TBCK: variants seen among roughly 807,000 people sequenced by gnomAD.
TBCK encodes the protein TBC domain-containing protein kinase-like protein.
TBCK carries 99 observed loss-of-function variants against 113.4 expected under a neutral mutation model. That is an observed-to-expected ratio of 0.87 (90% CI 0.74 to 1.03). The LOEUF (loss-of-function observed/expected upper bound fraction) is 1.03, where lower values mean the gene tolerates loss of function less well. Among genes scored for constraint, TBCK ranks in the 50% least tolerant of loss-of-function variants. The pLI is 0.00. For missense variants in TBCK, 1,045 were observed against 1,061.3 expected, an observed-to-expected ratio of 0.98 and a Z score of 0.21; for synonymous variants, 369 against 370.8, an observed-to-expected ratio of 1.00 and a Z score of 0.05.
intron 24 of TBCK, among the ~76,000 whole-genome samples, chr4:106,098,744 A>G (rs1035005189): frequency 6.6e-6 from 1 of 152,068 alleles, no homozygotes; most frequent in African/African-American, 2.4e-5. Context: ...TATTCCAGTA[A>G]ACATATGAAT....
intron 20 of TBCK, among the ~76,000 whole-genome samples, chr4:106,197,411 G>GTGTATATATATATATATATA (rs35695611): frequency 1.5e-4 from 18 of 122,436 alleles, no homozygotes; most frequent in Middle Eastern, 3.9e-3. Flanking sequence ...GTGTGTGTGT[G>GTGTATATATATATATATATA]TATATATATA....
intron 20 of TBCK, among the ~76,000 whole-genome samples, chr4:106,205,132 C>T (rs969128800): frequency 3.9e-5 from 6 of 152,014 alleles, no homozygotes; most frequent in Non-Finnish European, 5.9e-5. Flanking sequence ...AGCTTTTAGG[C>T]GAAGATTAAA....
intron 23 of TBCK, among the ~76,000 whole-genome samples, chr4:106,143,317 T>A (rs73836999): frequency 0.011 from 1,710 of 152,308 alleles, 31 homozygotes; most frequent in African/African-American, 0.039. Flanking sequence ...AAGACACTTG[T>A]GCATACTTCA....
chr4:106,095,572 C>T lies in TBCK; in HGVS notation c.2481G>A (p.Glu827=). The T allele has an allele frequency of 6.2e-7, 1 of 1,614,122 alleles. No individual in the cohort carries two copies. The highest frequency in any genetic ancestry group is 1.1e-5 in the South Asian group (1 of 91,080). Residue 827 remains glutamate (E), a synonymous_variant, in exon 25 of 26, where the codon GAG becomes GAA. Transcript: ENST00000394708. The part of the protein sequence containing the change: ...PFSAAFTAEG[E]LTQGPYTAML... ...TAGCAGTGTAAGGGCCCTGGGTAAG[C>T]TCCCCTTCTGCAGTGAAGGCAGCAC...
chr4:106,130,303 CAG>C (rs1745731094), intron 23 of TBCK, among the ~76,000 whole-genome samples: 1 of 151,990 alleles, frequency 6.6e-6, no homozygotes, highest in Non-Finnish European at 1.5e-5. Context: ...TGGACAGTCA[CAG>C]ATTATAAAAA....
intron 25 of TBCK, among the ~76,000 whole-genome samples, chr4:106,079,590 A>C (rs1560614993): frequency 6.6e-6 from 1 of 152,222 alleles, no homozygotes; most frequent in African/African-American, 2.4e-5. Context: ...ATCTAGGAAT[A>C]TATCTAACTA....
At chr4:106,087,294 C>G (rs1168449696) in intron 25 of TBCK, among the ~76,000 whole-genome samples, 3 of 152,142 alleles carry the variant, frequency 2.0e-5, no homozygotes, top group African/African-American at 7.2e-5. Flanking sequence ...CAACAATAGG[C>G]AGGCAGAAAG....
chr4:106,221,977 T>C (rs1468370954), intron 19 of TBCK, among the ~76,000 whole-genome samples: 1 of 152,020 alleles, frequency 6.6e-6, no homozygotes, highest in Non-Finnish European at 1.5e-5. Flanking sequence ...TTAAAAAAAA[T>C]CTGTAATTGT....
chr4:106,263,980 A>C (rs1762740894), intron 3 of TBCK, among the ~76,000 whole-genome samples: 4 of 151,990 alleles, frequency 2.6e-5, no homozygotes, highest in African/African-American at 9.7e-5. Flanking sequence ...ATTTTATTTT[A>C]CATTATCAAA....
Position 106,171,280 on chromosome 4 carries a change from A to G in TBCK, c.2060-10T>C. On this transcript the variant is annotated splice_polypyrimidine_tract_variant and intron_variant, in intron 22 of 25. Coordinates refer to ENST00000394708, the MANE Select transcript of TBCK (RefSeq NM_001163435.3). ...CGTTCAATGTCAATTTCTAGATAGA[A>G]ATGTTTTAAAAAAGCAAATGTATAG... 3.1e-6 allele frequency: 5 copies of G among 1,596,420 alleles called. No homozygotes were observed. The South Asian group carries it at 5.8e-5, about 18-fold the overall frequency.
At chr4:106,274,081 C>A (rs1433866491) in intron 3 of TBCK, among the ~76,000 whole-genome samples, 1 of 152,054 alleles carries the variant, frequency 6.6e-6, no homozygotes, top group Non-Finnish European at 1.5e-5. Flanking sequence ...AAGCTCTGGG[C>A]CAGGAACTTG....
At position 106,233,041 on chromosome 4, in the gene TBCK, A is replaced by G. The variant is rs149535149; in HGVS notation, c.1536T>C (p.Cys512=). 1.5e-5 allele frequency: 24 copies of G among 1,611,560 alleles called. No individual in the cohort carries two copies. The highest frequency in any genetic ancestry group is 1.6e-4 in the Middle Eastern group (1 of 6,066). The part of the protein sequence containing the change: ...DRQIEVDIPR[C]HQYDELLSSP... ...ATGATAACAGTTCATCGTACTGATGACAGCGAGGAATATCCACTTCAATCT... is the reference window on the plus strand; with the variant it reads ...ATGATAACAGTTCATCGTACTGATGGCAGCGAGGAATATCCACTTCAATCT... Residue 512 remains cysteine, a synonymous_variant, in exon 17 of 26, where the codon TGT becomes TGC. Transcript: ENST00000394708.
rs1445646331 is a variant in TBCK, at chr4:106,242,467, T to C, written c.1170+3A>G. 3.1e-6 allele frequency: 5 copies of C among 1,592,650 alleles called. No individual in the cohort carries two copies. The highest frequency in any genetic ancestry group is 4.3e-6 in the Non-Finnish European group (5 of 1,170,434). ...AGCAGAACTGTCAAAATATCTTTCT[T>C]ACATTTCTTAGCTGGCATAACGACA... On this transcript the variant is annotated splice_donor_region_variant and intron_variant, in intron 12 of 25. Transcript: ENST00000394708.
intron 23 of TBCK, among the ~76,000 whole-genome samples, chr4:106,140,830 C>G (rs963865644): frequency 7.2e-6 from 1 of 139,192 alleles, no homozygotes; most frequent in Admixed American, 7.1e-5. Context: ...TGACTTAAAC[C>G]GAAAGTTTGG....
intron 25 of TBCK, among the ~76,000 whole-genome samples, chr4:106,050,943 C>T (rs1734736586): frequency 6.6e-6 from 1 of 151,944 alleles, no homozygotes; most frequent in African/African-American, 2.4e-5. Context: ...CACCTTAATA[C>T]AGCAGTGTCT....
chr4:106,147,517 AAATT>A (rs1747946454), intron 23 of TBCK, among the ~76,000 whole-genome samples: 2 of 152,172 alleles, frequency 1.3e-5, no homozygotes, highest in Non-Finnish European at 2.9e-5. Flanking sequence ...TTAGTTCCCC[AAATT>A]AATACTTTCA....
chr4:106,181,493 T>C (rs1752377517), intron 22 of TBCK, among the ~76,000 whole-genome samples: 1 of 152,234 alleles, frequency 6.6e-6, no homozygotes, highest in Admixed American at 6.5e-5. Context: ...AGGATTTTTA[T>C]GGTTCTAGGT....
chr4:106,137,440 G>A (rs1303179372), intron 23 of TBCK, among the ~76,000 whole-genome samples: 1 of 139,348 alleles, frequency 7.2e-6, no homozygotes, highest in African/African-American at 2.5e-5. Flanking sequence ...TGCAAGAGGG[G>A]GTACAGGCTT....
chr4:106,169,023 A>G (rs1750705513), intron 23 of TBCK, among the ~76,000 whole-genome samples: 1 of 152,026 alleles, frequency 6.6e-6, no homozygotes, highest in South Asian at 2.1e-4. Context: ...GGAATGCTCA[A>G]TCAGTAAGTA....
Sources: gnomAD v4.1 joint callset for allele counts (sites outside exome capture counted in the v4.1 genomes callset) on GRCh38, gnomAD v4.1.1 for gene constraint, MANE v1.5 for transcripts, NCBI Gene and HGNC (gene_info 2026-07-23, HGNC 2026-07-21) for gene names.